SBF2: variants seen among roughly 807,000 people sequenced by gnomAD.
The protein encoded by SBF2 is myotubularin-related protein 13.
In SBF2, 112 loss-of-function variants were observed where a neutral mutation model predicts 225.2. The ratio of observed to expected loss-of-function variants is 0.50; its 90% CI spans 0.43 to 0.58. SBF2 has a LOEUF of 0.58. Ranked by LOEUF, SBF2 falls within the 20% of genes least tolerant of loss-of-function variation. SBF2 has a pLI of 0.00. For missense variants in SBF2, 1,996 were observed against 2,206.2 expected, an observed-to-expected ratio of 0.90 and a Z score of 1.91; for synonymous variants, 763 against 773.3, an observed-to-expected ratio of 0.99 and a Z score of 0.22.
At chr11:9,795,983 A>G (rs953816413) in intron 32 of SBF2, 26 bp from the exon 33 acceptor site, 13 of 1,609,844 alleles carry the variant, frequency 8.1e-6, no homozygotes, top group African/African-American at 4.0e-5. Flanking sequence ...CAAAGAAAAG[A>G]GTAAGAATCA....
chr11:9,853,074 A>G (rs1857073353), intron 20 of SBF2, among the ~76,000 whole-genome samples: 1 of 152,228 alleles, frequency 6.6e-6, no homozygotes. Context: ...TCAGCCATAA[A>G]AAGGAATGAA....
At chr11:9,845,481 T>C (rs573503606) in intron 24 of SBF2, 84 bp downstream of exon 24, 84 of 1,267,912 alleles carry the variant, frequency 6.6e-5, no homozygotes, top group Middle Eastern at 3.7e-4. Context: ...AGCAATCGCT[T>C]ACACCTGGAC....
intron 6 of SBF2, 82 bp from the exon 7 acceptor site, chr11:10,002,771 G>C: frequency 7.5e-7 from 1 of 1,330,438 alleles, no homozygotes; most frequent in Non-Finnish European, 1.1e-6. Flanking sequence ...TACACGGAAA[G>C]AAAAAGCCAG....
At chr11:10,260,664 C>T (rs1961338721) in intron 1 of SBF2, among the ~76,000 whole-genome samples, 1 of 146,650 alleles carries the variant, frequency 6.8e-6, no homozygotes. Context: ...GATTGCGCCA[C>T]TGCACTCCAG....
At chr11:9,917,623 C>T (rs1025393693) in intron 16 of SBF2, among the ~76,000 whole-genome samples, 16 of 151,672 alleles carry the variant, frequency 1.1e-4, no homozygotes, top group Admixed American at 5.2e-4. Flanking sequence ...TGAGCCACTG[C>T]GCCCAGCCAC....
At chr11:10,111,720 A>T (rs964820589) in intron 2 of SBF2, among the ~76,000 whole-genome samples, 3 of 152,336 alleles carry the variant, frequency 2.0e-5, no homozygotes, top group Admixed American at 2.0e-4. Flanking sequence ...TACTAAAAAT[A>T]TGAAAAATTA....
At chr11:10,131,160 G>A (rs1245102318) in intron 2 of SBF2, among the ~76,000 whole-genome samples, 5 of 151,938 alleles carry the variant, frequency 3.3e-5, no homozygotes, top group Non-Finnish European at 5.9e-5. Flanking sequence ...ATGTGTGAGA[G>A]ACTGTATTAC....
At chr11:10,133,342 C>A (rs540199475) in intron 2 of SBF2, among the ~76,000 whole-genome samples, 1 of 149,686 alleles carries the variant, frequency 6.7e-6, no homozygotes, top group East Asian at 2.2e-4. Context: ...GGACTGGGTG[C>A]CGTGGAGCAG....
intron 13 of SBF2, among the ~76,000 whole-genome samples, chr11:9,987,374 C>T (rs1947246713): frequency 6.6e-6 from 1 of 152,002 alleles, no homozygotes; most frequent in Admixed American, 6.6e-5. Flanking sequence ...CAAGTGCCCA[C>T]TCTCACCACT....
At chr11:9,824,449 C>T (rs1002123504) in intron 28 of SBF2, among the ~76,000 whole-genome samples, 11 of 150,748 alleles carry the variant, frequency 7.3e-5, no homozygotes, top group Admixed American at 2.7e-4. Flanking sequence ...CCCAGCTACT[C>T]GGGAGGCTGA....
chr11:9,795,562 T>C (rs1853070548), intron 33 of SBF2, among the ~76,000 whole-genome samples: 1 of 152,206 alleles, frequency 6.6e-6, no homozygotes, highest in South Asian at 2.1e-4. Context: ...GAGTCAAATG[T>C]TTCTTCTCAA....
In SBF2 at chr11:10,031,178, AAG is replaced by A. The variant is rs760670322; in HGVS notation, c.280-10_280-9del. 6.2e-7 allele frequency: 1 copy of A among 1,613,110 alleles called. No individual in the cohort carries two copies. The highest frequency in any genetic ancestry group is 8.5e-7 in the Non-Finnish European group (1 of 1,179,470). ...CTCTTCCTTCTTTGTTCCCTAGAAA[AAG>A]AGACACTGAAATCAACAAACAGAAG... On this transcript the variant is annotated splice_polypyrimidine_tract_variant and intron_variant, in intron 3 of 39. Coordinates refer to ENST00000256190, the MANE Select transcript of SBF2 (RefSeq NM_030962.4).
chr11:9,942,903 G>GAAAGAAAGAAAGAAAA (rs759371581), intron 16 of SBF2, among the ~76,000 whole-genome samples: 1 of 139,898 alleles, frequency 7.1e-6, no homozygotes, highest in South Asian at 2.3e-4. Context: ...GAGAGAGAGA[G>GAAAGAAAGAAAGAAAA]AAAGAAAGAA....
At chr11:9,960,918 C>A (rs1249469034) in intron 16 of SBF2, 3 of 152,334 alleles carry the variant, frequency 2.0e-5, no homozygotes, top group South Asian at 2.1e-4. Flanking sequence ...CCACCTCGGC[C>A]TCCCAAAGTG....
intron 2 of SBF2, among the ~76,000 whole-genome samples, chr11:10,137,239 C>A (rs375487056): frequency 2.0e-5 from 3 of 152,092 alleles, no homozygotes; most frequent in African/African-American, 7.2e-5. Flanking sequence ...AGTTTTTGTA[C>A]GATCTCATAA....
rs1554976748 is a variant in SBF2, at chr11:9,993,114, A to G, written c.1054-11T>C. The G allele has an allele frequency of 6.3e-7, 1 of 1,578,068 alleles. No homozygotes were observed. Among genetic ancestry groups the G allele is most frequent in the Non-Finnish European group, 8.7e-7 (1 of 1,150,818 alleles). ...TCGCACCTCTTTATCCTAAAAATAT[A>G]AGAAGAAATGTTAGGTAATTTAACT... On this transcript the variant is annotated splice_polypyrimidine_tract_variant and intron_variant, in intron 10 of 39. Coordinates refer to ENST00000256190, the MANE Select transcript of SBF2 (RefSeq NM_030962.4).
intron 1 of SBF2, among the ~76,000 whole-genome samples, chr11:10,213,184 T>C (rs1380209332): frequency 1.3e-5 from 2 of 152,216 alleles, no homozygotes; most frequent in Non-Finnish European, 2.9e-5. Flanking sequence ...TTTTTAAGGA[T>C]GCCAGCATTT....
intron 2 of SBF2, among the ~76,000 whole-genome samples, chr11:10,163,951 A>T (rs1955852044): frequency 6.6e-6 from 1 of 152,188 alleles, no homozygotes; most frequent in African/African-American, 2.4e-5. Flanking sequence ...GTTATACCTT[A>T]AGTTCATTTA....
At chr11:10,222,666 G>T (rs937435765) in intron 1 of SBF2, among the ~76,000 whole-genome samples, 1 of 152,148 alleles carries the variant, frequency 6.6e-6, no homozygotes, top group Admixed American at 6.5e-5. Flanking sequence ...TCTGAAGGTT[G>T]CTAGATGGAA....
Sources: gnomAD v4.1 joint callset for allele counts (sites outside exome capture counted in the v4.1 genomes callset) on GRCh38, gnomAD v4.1.1 for gene constraint, MANE v1.5 for transcripts, NCBI Gene and HGNC (gene_info 2026-07-23, HGNC 2026-07-21) for gene names.